The following SMYD3 variants were observed in gnomAD, a reference collection of about 807,000 sequenced individuals.
SMYD3 encodes the protein histone-lysine N-methyltransferase SMYD3.
In SMYD3, 36 loss-of-function variants were observed where a neutral mutation model predicts 57.7. The observed-to-expected ratio is 0.62, with a 90% CI of 0.48 to 0.82. The LOEUF (loss-of-function observed/expected upper bound fraction) is 0.82. Ranked by LOEUF, SMYD3 falls within the 40% of genes least tolerant of loss-of-function variation. The pLI is 0.00. For missense variants in SMYD3, 515 were observed against 538.8 expected (o/e 0.96, Z 0.44); for synonymous variants, 211 against 195.0 (o/e 1.08, Z -0.68).
At chr1:245,833,607 A>C (rs1330182122) in intron 10 of SMYD3, among the ~76,000 whole-genome samples, 1 of 152,220 alleles carries the variant, frequency 6.6e-6, no homozygotes, top group Admixed American at 6.5e-5. Context: ...TCCCTTAGTT[A>C]AGGTAGTGTT....
intron 1 of SMYD3, among the ~76,000 whole-genome samples, chr1:246,383,820 T>TA (rs1196072209): frequency 3.3e-5 from 5 of 152,210 alleles, no homozygotes; most frequent in African/African-American, 1.2e-4. Context: ...TAGGCCAGAA[T>TA]AAATGCCAAC....
chr1:246,409,592 T>C lies in SMYD3; in HGVS notation c.165-54498A>G, dbSNP rs537421261. 7.8e-3 allele frequency among the ~76,000 whole-genome samples: 1,193 copies of C among 152,314 alleles called. 13 individuals are homozygous for C. Among genetic ancestry groups the C allele is most frequent in the African/African-American group, 0.026 (1,092 of 41,558 alleles). ...TGGTTACTGTAGCCTTGTAGTATAGTTTGAAGTCAGGTAGCCTGATGCCTC... is the reference window on the plus strand; with the variant it reads ...TGGTTACTGTAGCCTTGTAGTATAGCTTGAAGTCAGGTAGCCTGATGCCTC... On this transcript the variant is annotated intron_variant, in intron 1 of 11. Coordinates refer to ENST00000490107, the MANE Select transcript of SMYD3 (RefSeq NM_001167740.2).
At chr1:246,461,934 A>T (rs1233616442) in intron 1 of SMYD3, among the ~76,000 whole-genome samples, 2 of 152,158 alleles carry the variant, frequency 1.3e-5, no homozygotes, top group African/African-American at 4.8e-5. Flanking sequence ...GAAGGTACTC[A>T]CAGTTTAGAA....
chr1:246,046,781 C>T (rs1401998618), intron 5 of SMYD3, among the ~76,000 whole-genome samples: 1 of 150,232 alleles, frequency 6.7e-6, no homozygotes, highest in African/African-American at 2.4e-5. Context: ...ATAAAAAATC[C>T]AACTCTAATA....
At chr1:246,470,491 T>C (rs1435278374) in intron 1 of SMYD3, among the ~76,000 whole-genome samples, 1 of 104,012 alleles carries the variant, frequency 9.6e-6, no homozygotes, top group African/African-American at 3.3e-5. Flanking sequence ...CAAGAATCTG[T>C]CTAAAAATAA....
chr1:246,278,310 T>TG (rs1205310320), intron 5 of SMYD3, among the ~76,000 whole-genome samples: 1 of 151,634 alleles, frequency 6.6e-6, no homozygotes, highest in Non-Finnish European at 1.5e-5. Context: ...GCTACCTCCT[T>TG]GGGGTGTGCA....
intron 10 of SMYD3, among the ~76,000 whole-genome samples, chr1:245,788,217 GA>G (rs2047125791): frequency 6.6e-6 from 1 of 151,818 alleles, no homozygotes; most frequent in Non-Finnish European, 1.5e-5. Flanking sequence ...TTAACACAGG[GA>G]ACAGGGCAAG....
intron 1 of SMYD3, among the ~76,000 whole-genome samples, chr1:246,499,421 C>T (rs1165323034): frequency 7.3e-6 from 1 of 136,910 alleles, no homozygotes; most frequent in South Asian, 2.4e-4. Context: ...CACACACACA[C>T]ACACATATAT....
intron 5 of SMYD3, among the ~76,000 whole-genome samples, chr1:246,258,103 C>G (rs1011513566): frequency 1.3e-5 from 2 of 152,166 alleles, no homozygotes; most frequent in Non-Finnish European, 2.9e-5. Flanking sequence ...GTGGTGCGAT[C>G]TTGGCTCACT....
intron 5 of SMYD3, among the ~76,000 whole-genome samples, chr1:246,167,463 T>C (rs2062236707): frequency 6.6e-6 from 1 of 152,088 alleles, no homozygotes; most frequent in African/African-American, 2.4e-5. Flanking sequence ...TTTCATTCTA[T>C]TACATTTAAT....
chr1:246,386,110 G>A lies in SMYD3; in HGVS notation c.165-31016C>T, dbSNP rs533956765. On this transcript the variant is annotated intron_variant, in intron 1 of 11. Transcript: ENST00000490107. ...TCACCGTGCTAGCCAGGATGGTCTC[G>A]ATCTCCTGACCTCGTGATCCATCCG... is the stretch of plus-strand genomic sequence containing the variant. 6.6e-5 allele frequency among the ~76,000 whole-genome samples: 10 copies of A among 152,184 alleles called. No individual in the cohort carries two copies. In the East Asian group the frequency reaches 1.5e-3, roughly 24 times the overall value.
intron 1 of SMYD3, among the ~76,000 whole-genome samples, chr1:246,445,303 T>C (rs61839799): frequency 0.24 from 35,955 of 152,106 alleles, 4,573 homozygotes; most frequent in Middle Eastern, 0.39. Flanking sequence ...CTGCCCATTT[T>C]TGCCAGCAGT....
At chr1:246,117,616 G>A (rs1347406653) in intron 5 of SMYD3, among the ~76,000 whole-genome samples, 1 of 152,160 alleles carries the variant, frequency 6.6e-6, no homozygotes, top group Admixed American at 6.5e-5. Context: ...GCTCGCTCTT[G>A]CGCACTCTCT....
chr1:246,463,483 T>C lies in SMYD3; in HGVS notation c.164+43571A>G, dbSNP rs546933012. On this transcript the variant is annotated intron_variant, in intron 1 of 11. Transcript: ENST00000490107. ...TTAAACATGTGGAATTTCCAGCTCCTCTGAGATATCTAAGTTGAAATATCA... is the reference window on the plus strand; with the variant it reads ...TTAAACATGTGGAATTTCCAGCTCCCCTGAGATATCTAAGTTGAAATATCA... 8.6e-4 allele frequency among the ~76,000 whole-genome samples: 131 copies of C among 151,998 alleles called. 1 individual carries two copies. The South Asian group carries it at 0.027, about 31-fold the overall frequency.
At chr1:246,402,301 C>T (rs1168128596) in intron 1 of SMYD3, among the ~76,000 whole-genome samples, 1 of 151,410 alleles carries the variant, frequency 6.6e-6, no homozygotes, top group Non-Finnish European at 1.5e-5. Context: ...TTATAAAAGA[C>T]CATAATAAAA....
At chr1:245,835,258 C>G (rs889322469) in intron 10 of SMYD3, among the ~76,000 whole-genome samples, 2 of 151,672 alleles carry the variant, frequency 1.3e-5, no homozygotes, top group Non-Finnish European at 2.9e-5. Context: ...TAGCTGGGAC[C>G]ACAGACTTGC....
At chr1:245,954,243 G>C (rs1171536238) in intron 5 of SMYD3, among the ~76,000 whole-genome samples, 1 of 152,172 alleles carries the variant, frequency 6.6e-6, no homozygotes, top group African/African-American at 2.4e-5. Flanking sequence ...GCGTTTTAAA[G>C]ATGCTAGTTA....
rs150799325 is a variant in SMYD3, at chr1:246,278,744, G to A, written c.531+48457C>T. Among the ~76,000 whole-genome samples, 539 of 152,224 alleles carry A rather than the reference G, an allele frequency of 3.5e-3. 14 individuals carry two copies. The highest frequency in any genetic ancestry group is 0.03 in the Admixed American group (463 of 15,290). On this transcript the variant is annotated intron_variant, in intron 5 of 11. Coordinates refer to ENST00000490107, the MANE Select transcript of SMYD3 (RefSeq NM_001167740.2). ...TACATGGAGGATCCAGGTGTGTGTG[G>A]ACACCTGACCCACAGAAACCATACG...
chr1:246,418,876 C>T (rs933643964), intron 1 of SMYD3, among the ~76,000 whole-genome samples: 12 of 152,110 alleles, frequency 7.9e-5, no homozygotes, highest in Admixed American at 2.6e-4. Context: ...GTGACCTGCA[C>T]GTATACATCC....
Sources: allele counts gnomAD v4.1 joint callset (sites outside exome capture counted in the v4.1 genomes callset), GRCh38; gene constraint gnomAD v4.1.1; transcripts MANE v1.5; gene names NCBI Gene and HGNC (gene_info 2026-07-23, HGNC 2026-07-21).